Variants in RBFOX1 observed in about 807,000 individuals in gnomAD.
The protein encoded by RBFOX1 is RNA binding fox-1 homolog 1.
Under a neutral mutation model 57.7 loss-of-function variants are expected in RBFOX1, and 8 were observed. The ratio of observed to expected loss-of-function variants is 0.14; its 90% CI spans 0.08 to 0.25. RBFOX1 has a LOEUF of 0.25. Ranked by LOEUF, RBFOX1 falls within the 10% of genes least tolerant of loss-of-function variation. RBFOX1 has a pLI of 1.00. For missense variants in RBFOX1, 611 were observed against 548.5 expected (o/e 1.11, Z -1.14); for synonymous variants, 326 against 222.4 (o/e 1.47, Z -4.15).
chr16:7,531,123 A>G (rs2079959572), intron 5 of RBFOX1, among the ~76,000 whole-genome samples: 1 of 152,202 alleles, frequency 6.6e-6, no homozygotes, highest in Admixed American at 6.5e-5. Context: ...GTGAAAAGGC[A>G]ATTTTCTTGT....
intron 2 of RBFOX1, among the ~76,000 whole-genome samples, chr16:6,349,416 A>G (rs1266608186): frequency 6.6e-6 from 1 of 152,220 alleles, no homozygotes; most frequent in Admixed American, 6.5e-5. Context: ...AAAATCATCG[A>G]GATACGAATA....
At chr16:7,268,252 G>T (rs369609150) in intron 4 of RBFOX1, among the ~76,000 whole-genome samples, 1 of 152,338 alleles carries the variant, frequency 6.6e-6, no homozygotes, top group African/African-American at 2.4e-5. Flanking sequence ...TGGTTAAGCT[G>T]TGTAGGACTG....
chr16:6,413,102 C>G (rs1174622806), intron 2 of RBFOX1, among the ~76,000 whole-genome samples: 1 of 152,120 alleles, frequency 6.6e-6, no homozygotes, highest in African/African-American at 2.4e-5. Context: ...GGTGGATCAC[C>G]TGAGGTCGGG....
chr16:5,850,440 C>G (rs1209593349), intron 3 of RBFOX1, among the ~76,000 whole-genome samples: 1 of 152,170 alleles, frequency 6.6e-6, no homozygotes, highest in African/African-American at 2.4e-5. Context: ...AAATATTAAG[C>G]ACTAGTATCC....
At chr16:6,904,159 A>G (rs2069175687) in intron 3 of RBFOX1, among the ~76,000 whole-genome samples, 1 of 152,196 alleles carries the variant, frequency 6.6e-6, no homozygotes, top group African/African-American at 2.4e-5. Context: ...GGAGAAATGA[A>G]AGCTCTGTGT....
intron 4 of RBFOX1, among the ~76,000 whole-genome samples, chr16:7,111,486 C>T (rs2064762334): frequency 6.6e-6 from 1 of 152,014 alleles, no homozygotes; most frequent in African/African-American, 2.4e-5. Context: ...TAAATGAGTG[C>T]AGTGTGGAAT....
At chr16:7,579,663 T>C in intron 5 of RBFOX1, 114 bp from the exon 6 acceptor site, 3 of 1,329,160 alleles carry the variant, frequency 2.3e-6, no homozygotes, top group Non-Finnish European at 3.1e-6. Context: ...TTTTCTTCCC[T>C]TCTCAGATTG....
intron 6 of RBFOX1, among the ~76,000 whole-genome samples, chr16:7,581,754 C>G (rs1359958545): frequency 6.6e-6 from 1 of 152,146 alleles, no homozygotes; most frequent in Non-Finnish European, 1.5e-5. Context: ...TCTCACTCTG[C>G]TACCCAGGCT....
intron 1 of RBFOX1, among the ~76,000 whole-genome samples, chr16:6,238,697 G>T (rs907609410): frequency 6.6e-6 from 1 of 152,034 alleles, no homozygotes; most frequent in East Asian, 1.9e-4. Flanking sequence ...TTATTCTCTG[G>T]TTTTTATTGT....
At chr16:5,966,138 TA>T (rs1391873773) in intron 4 of RBFOX1, among the ~76,000 whole-genome samples, 1 of 152,232 alleles carries the variant, frequency 6.6e-6, no homozygotes, top group Non-Finnish European at 1.5e-5. Context: ...AAACAAATTG[TA>T]AATTCATTGC....
At chr16:5,673,110 C>T (rs2050062607) in intron 3 of RBFOX1, among the ~76,000 whole-genome samples, 1 of 152,078 alleles carries the variant, frequency 6.6e-6, no homozygotes, top group Non-Finnish European at 1.5e-5. Context: ...TTTGGAAAAG[C>T]AGGGCACGCA....
chr16:7,067,763 C>T (rs971749109), intron 4 of RBFOX1, among the ~76,000 whole-genome samples: 67 of 145,438 alleles, frequency 4.6e-4, no homozygotes, highest in African/African-American at 1.7e-3. Context: ...TCAATTCCTA[C>T]CTATGAGTGA....
intron 3 of RBFOX1, among the ~76,000 whole-genome samples, chr16:6,685,786 TAACA>T (rs1373477188): frequency 1.1e-4 from 16 of 152,174 alleles, no homozygotes; most frequent in Non-Finnish European, 1.5e-5. Flanking sequence ...CCTGAAATTT[TAACA>T]AACAGCCTTC....
At chr16:5,248,314 CT>C (rs1344274372) in intron 1 of RBFOX1, among the ~76,000 whole-genome samples, 5 of 152,256 alleles carry the variant, frequency 3.3e-5, no homozygotes, top group African/African-American at 9.6e-5. Context: ...ATTTAATTTC[CT>C]TTTTTTGTTC....
At chr16:6,989,204 C>T (rs891124410) in intron 3 of RBFOX1, among the ~76,000 whole-genome samples, 18 of 152,036 alleles carry the variant, frequency 1.2e-4, no homozygotes, top group Admixed American at 3.3e-4. Flanking sequence ...CCTCTTTTTC[C>T]GTTTTAAAAT....
At chr16:5,722,533 C>T (rs1009204174) in intron 3 of RBFOX1, among the ~76,000 whole-genome samples, 3 of 152,122 alleles carry the variant, frequency 2.0e-5, no homozygotes, top group Admixed American at 1.3e-4. Context: ...GGGGGGCATT[C>T]AAAGACACCT....
intron 1 of RBFOX1, among the ~76,000 whole-genome samples, chr16:6,210,848 A>G (rs910754696): frequency 5.3e-5 from 8 of 152,352 alleles, no homozygotes; most frequent in African/African-American, 1.9e-4. Flanking sequence ...GCAGTCCTTA[A>G]GTGAACGGTG....
intron 4 of RBFOX1, among the ~76,000 whole-genome samples, chr16:5,948,028 A>C (rs908712135): frequency 6.6e-6 from 1 of 152,184 alleles, no homozygotes; most frequent in African/African-American, 2.4e-5. Flanking sequence ...GGAACTCTTC[A>C]GCAGAACCAA....
chr16:5,274,390 G>A (rs750327009), intron 1 of RBFOX1, among the ~76,000 whole-genome samples: 6 of 152,120 alleles, frequency 3.9e-5, no homozygotes, highest in African/African-American at 7.2e-5. Flanking sequence ...TTAGCCAGGC[G>A]TGGTCGTGGG....
Sources: allele counts gnomAD v4.1 joint callset (sites outside exome capture counted in the v4.1 genomes callset), GRCh38; gene constraint gnomAD v4.1.1; transcripts MANE v1.5; gene names NCBI Gene and HGNC (gene_info 2026-07-23, HGNC 2026-07-21).